Variants in ZDHHC11 observed in about 807,000 individuals in gnomAD.
ZDHHC11 encodes palmitoyltransferase ZDHHC11.
Under a neutral mutation model 51.3 loss-of-function variants are expected in ZDHHC11, and 44 were observed. The ratio of observed to expected loss-of-function variants is 0.86; its 90% CI spans 0.67 to 1.10. The LOEUF is 1.10. ZDHHC11 is among the 50% of genes least tolerant of loss of function. ZDHHC11 has a pLI of 0.00. For synonymous variants in ZDHHC11, 163 were observed against 222.0 expected (o/e 0.73, Z 2.36); for missense variants, 400 against 537.7 (o/e 0.74, Z 2.53).
At chr5:805,342 G>A (rs1347040197) in intron 11 of ZDHHC11, among the ~76,000 whole-genome samples, 2 of 150,818 alleles carry the variant, frequency 1.3e-5, no homozygotes, top group African/African-American at 4.9e-5. Flanking sequence ...GAAGGTTGAG[G>A]TGGAAAGATT....
At position 800,993 on chromosome 5, in the gene ZDHHC11, C is replaced by T. The variant is rs538379504; in HGVS notation, c.*7+107G>A. On this transcript the variant is annotated intron_variant, in intron 12 of 12. Transcript: ENST00000283441. ...ACATCAAGAGACAAACGACAAGCAG[C>T]CCAGCCCTTGAGTTTGCACTGGTGA... 2.1e-4 allele frequency: 278 copies of T among 1,328,976 alleles called. 5 individuals are homozygous for T. The highest frequency in any genetic ancestry group is 7.2e-4 in the Middle Eastern group (4 of 5,544). The allele number at this position is 1,328,976 out of a possible 1,614,324, so 82.3% of individuals were successfully genotyped here. A position where few individuals can be genotyped will look rare whatever the true frequency, so the allele number is the denominator to read the frequency against.
intron 11 of ZDHHC11, among the ~76,000 whole-genome samples, chr5:813,628 C>T (rs1222242244): frequency 6.7e-6 from 1 of 150,008 alleles, no homozygotes; most frequent in Non-Finnish European, 1.5e-5. Flanking sequence ...ATCTGGCCCC[C>T]CTGAGCAGCA....
At chr5:828,808 A>C (rs1742689492) in intron 7 of ZDHHC11, among the ~76,000 whole-genome samples, 2 of 144,932 alleles carry the variant, frequency 1.4e-5, no homozygotes, top group South Asian at 4.4e-4. Flanking sequence ...GTATCTTTTC[A>C]GACCACAGGG....
chr5:842,316 C>T, intron 4 of ZDHHC11: 1 of 986,720 alleles, frequency 1.0e-6, no homozygotes, highest in Non-Finnish European at 1.2e-6. Flanking sequence ...AAGAACGCAA[C>T]AGGCATCGTC....
chr5:823,480 A>G lies in ZDHHC11; in HGVS notation c.1024-1585T>C, dbSNP rs1384553241. On this transcript the variant is annotated intron_variant, in intron 8 of 12. Transcript: ENST00000283441. Reference sequence around the variant, plus strand: ...TTTGTTCCATTCATCTACTCAGAGCATCTTCTTTGGACAACACTGTCTGCA... The same window carrying G: ...TTTGTTCCATTCATCTACTCAGAGCGTCTTCTTTGGACAACACTGTCTGCA... 6 of 151,960 alleles carry G rather than the reference A, an allele frequency of 3.9e-5. 1 individual carries two copies. Among genetic ancestry groups the G allele is most frequent in the Admixed American group, 6.6e-5 (1 of 15,262 alleles). 9.4% of individuals were successfully genotyped at this position (151,960 alleles called of 1,614,324 possible).
chr5:858,156 C>T (rs1200249587), intron 1 of ZDHHC11, among the ~76,000 whole-genome samples: 2 of 123,596 alleles, frequency 1.6e-5, no homozygotes, highest in African/African-American at 6.4e-5. Context: ...GGGTCTGTCC[C>T]GGTCCTGTCC....
intron 8 of ZDHHC11, among the ~76,000 whole-genome samples, chr5:822,347 C>T (rs1393869105): frequency 1.3e-5 from 2 of 151,366 alleles, no homozygotes; most frequent in South Asian, 2.1e-4. Flanking sequence ...GAGAAACCAA[C>T]CCTGCAGACA....
At chr5:819,876 C>A (rs1326124019) in intron 9 of ZDHHC11, among the ~76,000 whole-genome samples, 1 of 151,288 alleles carries the variant, frequency 6.6e-6, no homozygotes, top group African/African-American at 2.4e-5. Context: ...AGTCTGCGAG[C>A]CCCACCCTAG....
At chr5:840,884 T>A in intron 4 of ZDHHC11, 2 of 1,435,274 alleles carry the variant, frequency 1.4e-6, no homozygotes, top group South Asian at 2.9e-5. Context: ...GGCTCCAACA[T>A]TGTCACTAAG....
At chr5:859,979 C>T (rs1395854941), upstream of ZDHHC11, among the ~76,000 whole-genome samples, 2 of 152,194 alleles carry the variant, frequency 1.3e-5, no homozygotes, top group Non-Finnish European at 2.9e-5. Flanking sequence ...CCTCCAAGAC[C>T]ACCACCGTGA....
At position 814,814 on chromosome 5, in the gene ZDHHC11, CA is replaced by C; in HGVS notation, c.1147-20del. 6.5e-7 allele frequency: 1 copy of C among 1,529,296 alleles called. No individual in the cohort carries two copies. Among genetic ancestry groups the C allele is most frequent in the Admixed American group, 2.2e-5 (1 of 44,558 alleles). The allele number at this position is 1,529,296 out of a possible 1,614,324, so 94.7% of individuals were successfully genotyped here. A position where few individuals can be genotyped will look rare whatever the true frequency, so the allele number is the denominator to read the frequency against. ...CTGCTTCCTGTGGGGGGAAGGGATG[CA>C]AAATTCATAGGATGAACAAAGACCT... On this transcript the variant is annotated intron_variant, in intron 10 of 12. Transcript: ENST00000283441.
chr5:859,298 A>T (rs913778137), upstream of ZDHHC11, among the ~76,000 whole-genome samples: 1 of 152,082 alleles, frequency 6.6e-6, no homozygotes, highest in Non-Finnish European at 1.5e-5. Flanking sequence ...GTAGTCTAAG[A>T]TGAAAGTTTA....
At chr5:848,775 C>G (rs1364968061) in intron 1 of ZDHHC11, 115 bp from the exon 2 acceptor site, 1 of 1,452,046 alleles carries the variant, frequency 6.9e-7, no homozygotes, top group Non-Finnish European at 9.3e-7. Flanking sequence ...GCTCACCCAG[C>G]CCTGCACACG....
chr5:852,101 G>A (rs1033163995), upstream of ZDHHC11, among the ~76,000 whole-genome samples: 6 of 151,094 alleles, frequency 4.0e-5, no homozygotes, highest in Non-Finnish European at 7.4e-5. Context: ...TACCAAGGAA[G>A]GAAATAGAAA....
At chr5:838,625 G>A (rs1296144965) in intron 5 of ZDHHC11, among the ~76,000 whole-genome samples, 6 of 152,278 alleles carry the variant, frequency 3.9e-5, no homozygotes, top group South Asian at 4.1e-4. Flanking sequence ...AGGCCTGGGC[G>A]TCCTGCCTCC....
chr5:827,466 T>C (rs1408919707), intron 7 of ZDHHC11, among the ~76,000 whole-genome samples: 1 of 151,136 alleles, frequency 6.6e-6, no homozygotes, highest in African/African-American at 2.4e-5. Context: ...ACCAACCAAG[T>C]ATCTGCTGTC....
At chr5:818,977 C>G (rs1187627449) in intron 10 of ZDHHC11, among the ~76,000 whole-genome samples, 1 of 151,548 alleles carries the variant, frequency 6.6e-6, no homozygotes, top group African/African-American at 2.4e-5. Flanking sequence ...AGGACGGACA[C>G]AGAGTCCATG....
chr5:822,969 T>G (rs1282648394), intron 8 of ZDHHC11, among the ~76,000 whole-genome samples: 1 of 150,108 alleles, frequency 6.7e-6, no homozygotes, highest in African/African-American at 2.4e-5. Flanking sequence ...ACGTGTTCAA[T>G]CTTTCACCCA....
chr5:803,011 ACT>A (rs1241512107), intron 11 of ZDHHC11, among the ~76,000 whole-genome samples: 4 of 145,050 alleles, frequency 2.8e-5, no homozygotes, highest in Non-Finnish European at 6.1e-5. Flanking sequence ...ACAGAGCGAG[ACT>A]CTATCTCAAA....
Sources: allele counts gnomAD v4.1 joint callset (sites outside exome capture counted in the v4.1 genomes callset), GRCh38; gene constraint gnomAD v4.1.1; transcripts MANE v1.5; gene names NCBI Gene and HGNC (gene_info 2026-07-23, HGNC 2026-07-21).